Variants in ACTR3C observed in about 807,000 individuals in gnomAD.
The protein encoded by ACTR3C is actin-related protein 3C.
A neutral mutation model predicts 26.3 loss-of-function variants in ACTR3C; 18 were observed. The ratio of observed to expected loss-of-function variants is 0.68; its 90% CI spans 0.47 to 1.01. The LOEUF (loss-of-function observed/expected upper bound fraction) is 1.01. Among genes scored for constraint, ACTR3C ranks in the 50% least tolerant of loss-of-function variants. The pLI, the probability that ACTR3C is intolerant of heterozygous loss-of-function variation, is 0.00. For missense variants in ACTR3C, 184 were observed against 250.7 expected (o/e 0.73, Z 1.80); for synonymous variants, 55 against 94.5 (o/e 0.58, Z 2.42).
At chr7:149,972,809 C>T in the ACTR3C span, among the ~76,000 whole-genome samples, 1 of 152,262 alleles carries the variant, frequency 6.6e-6, no homozygotes, top group Admixed American at 6.5e-5. Flanking sequence ...CCCAGGTAAG[C>T]CCTGTGAGCA....
the ACTR3C span, among the ~76,000 whole-genome samples, chr7:150,193,918 T>C: frequency 6.6e-6 from 1 of 150,996 alleles, no homozygotes. Context: ...CAGTAGTCTT[T>C]CCAAATTCTT....
At chr7:149,985,342 T>G in the ACTR3C span, among the ~76,000 whole-genome samples, 1 of 151,794 alleles carries the variant, frequency 6.6e-6, no homozygotes, top group African/African-American at 2.4e-5. Context: ...CCATTAACCA[T>G]TTGCATAAAT....
chr7:150,177,450 A>G, the ACTR3C span, among the ~76,000 whole-genome samples: 16 of 150,840 alleles, frequency 1.1e-4, no homozygotes, highest in Non-Finnish European at 2.1e-4. Flanking sequence ...ATTTTTAATG[A>G]TAGTTGTCAC....
chr7:150,307,974 A>G (rs538379136), intron 1 of ACTR3C, among the ~76,000 whole-genome samples: 8 of 152,090 alleles, frequency 5.3e-5, no homozygotes, highest in Non-Finnish European at 1.0e-4. Flanking sequence ...TCTGGTAGAG[A>G]CAGAGAAGAC....
chr7:150,126,282 CT>C, the ACTR3C span, among the ~76,000 whole-genome samples: 5 of 152,296 alleles, frequency 3.3e-5, no homozygotes, highest in South Asian at 1.0e-3. Context: ...TTCTGTTCCC[CT>C]CTTTCTCTTG....
chr7:150,042,624 T>G, the ACTR3C span, among the ~76,000 whole-genome samples: 7,772 of 126,004 alleles, frequency 0.062, 482 homozygotes, highest in African/African-American at 0.18. Flanking sequence ...AGCCAGGGGG[T>G]AAGAGGGGAT....
intron 6 of ACTR3C, among the ~76,000 whole-genome samples, chr7:150,266,712 T>C (rs1834068219): frequency 2.0e-5 from 3 of 152,220 alleles, no homozygotes; most frequent in Non-Finnish European, 4.4e-5. Context: ...GAAGAACTCT[T>C]ACTATTGAGT....
the ACTR3C span, among the ~76,000 whole-genome samples, chr7:149,987,660 T>A: frequency 7.0e-6 from 1 of 142,348 alleles, no homozygotes; most frequent in East Asian, 2.0e-4. Context: ...TTGAAAATTG[T>A]TAGTTTTCAT....
intron 6 of ACTR3C, among the ~76,000 whole-genome samples, chr7:150,262,333 T>C (rs1199009243): frequency 6.6e-6 from 1 of 152,280 alleles, no homozygotes; most frequent in Non-Finnish European, 1.5e-5. Flanking sequence ...CTGAAGTTGC[T>C]GCCTTGTCAA....
the ACTR3C span, among the ~76,000 whole-genome samples, chr7:149,968,274 G>C: frequency 3.9e-5 from 6 of 152,160 alleles, no homozygotes; most frequent in Non-Finnish European, 8.8e-5. Context: ...GGCTGGGCAC[G>C]GTGTCTCACG....
At chr7:149,887,060 C>A in the ACTR3C span, among the ~76,000 whole-genome samples, 93,955 of 151,676 alleles carry the variant, frequency 0.62, 30,100 homozygotes, top group African/African-American at 0.78. Flanking sequence ...CAGCAAAACA[C>A]ATACAAAATG....
chr7:150,162,672 C>T, the ACTR3C span, among the ~76,000 whole-genome samples: 1 of 152,206 alleles, frequency 6.6e-6, no homozygotes, highest in African/African-American at 2.4e-5. Context: ...ATATTTTTCT[C>T]ATAAGCCTCT....
At chr7:150,107,982 T>C in the ACTR3C span, among the ~76,000 whole-genome samples, 1 of 151,794 alleles carries the variant, frequency 6.6e-6, no homozygotes, top group Non-Finnish European at 1.5e-5. Flanking sequence ...GATGGAATAA[T>C]TAGAGCATAA....
chr7:150,006,185 AATTT>A, the ACTR3C span, among the ~76,000 whole-genome samples: 15 of 138,992 alleles, frequency 1.1e-4, no homozygotes, highest in Non-Finnish European at 1.7e-4. Flanking sequence ...AATTGCACAG[AATTT>A]ATTTATTTAT....
the ACTR3C span, among the ~76,000 whole-genome samples, chr7:150,135,864 AGGAAAAG>A: frequency 6.6e-6 from 1 of 151,936 alleles, no homozygotes; most frequent in African/African-American, 2.4e-5. Context: ...GAAAAGGAAA[AGGAAAAG>A]GAAAAGAAAA....
chr7:150,110,768 G>C, the ACTR3C span, among the ~76,000 whole-genome samples: 1 of 140,494 alleles, frequency 7.1e-6, no homozygotes, highest in African/African-American at 2.8e-5. Context: ...CTTGCTGGGG[G>C]ACTGGCTCTG....
the ACTR3C span, among the ~76,000 whole-genome samples, chr7:150,033,914 C>T: frequency 0.013 from 1,887 of 140,942 alleles, 6 homozygotes; most frequent in African/African-American, 0.049. Flanking sequence ...CCCCGCGTCG[C>T]GAGGGGTGCC....
chr7:150,009,407 G>A, the ACTR3C span, among the ~76,000 whole-genome samples: 54 of 152,350 alleles, frequency 3.5e-4, no homozygotes, highest in Non-Finnish European at 7.2e-4. Flanking sequence ...AACACTGCGC[G>A]AAGTGCATTT....
the ACTR3C span, among the ~76,000 whole-genome samples, chr7:150,148,258 C>G: frequency 6.6e-6 from 1 of 151,778 alleles, no homozygotes; most frequent in Non-Finnish European, 1.5e-5. Context: ...GAGGGCGGAT[C>G]ACGAGGTCAG....
Sources: allele counts gnomAD v4.1 joint callset (sites outside exome capture counted in the v4.1 genomes callset), GRCh38; gene constraint gnomAD v4.1.1; transcripts MANE v1.5; gene names NCBI Gene and HGNC (gene_info 2026-07-23, HGNC 2026-07-21).